Variants in ZDHHC23 observed in about 807,000 individuals in gnomAD.
ZDHHC23 encodes palmitoyltransferase ZDHHC23.
ZDHHC23 carries 41 observed loss-of-function variants against 40.2 expected under a neutral mutation model. The ratio of observed to expected loss-of-function variants is 1.02; its 90% CI spans 0.79 to 1.32. ZDHHC23 has a LOEUF of 1.32. Ranked by LOEUF, ZDHHC23 falls within the 40% of genes most tolerant of loss-of-function variation. ZDHHC23 has a pLI of 0.00. For missense variants in ZDHHC23, 471 were observed against 541.5 expected, an observed-to-expected ratio of 0.87 and a Z score of 1.29; for synonymous variants, 204 against 210.2, an observed-to-expected ratio of 0.97 and a Z score of 0.26.
chr3:113,959,871 G>A lies in ZDHHC23; in HGVS notation c.*1241G>A, dbSNP rs577318230. On this transcript the variant is annotated 3_prime_UTR_variant, in exon 5 of 5. Transcript: ENST00000638807. ...ATTACTGTTCTTCCCTGGCTCTTCCGACAATAACAAGTTGTTTCTTTAATC... is the reference window on the plus strand; with the variant it reads ...ATTACTGTTCTTCCCTGGCTCTTCCAACAATAACAAGTTGTTTCTTTAATC... 2.4e-4 allele frequency: 235 copies of A among 998,052 alleles called. No individual in the cohort carries two copies. The highest frequency in any genetic ancestry group is 2.7e-4 in the Non-Finnish European group (229 of 836,000). 61.8% of individuals were successfully genotyped at this position (998,052 alleles called of 1,614,324 possible).
chr3:113,979,115 G>T, the ZDHHC23 span: 1 of 1,042,214 alleles, frequency 9.6e-7, no homozygotes, highest in Non-Finnish European at 1.4e-6. Flanking sequence ...TAGGCAGTCG[G>T]TAGAGAATAA....
downstream of ZDHHC23, among the ~76,000 whole-genome samples, chr3:113,970,039 A>G (rs1940639063): frequency 6.6e-6 from 1 of 152,104 alleles, no homozygotes; most frequent in African/African-American, 2.4e-5. Flanking sequence ...AGTGTTTTAT[A>G]GTTCTCAGTA....
chr3:113,954,199 ACCAAAGGGTTC>A lies in ZDHHC23; in HGVS notation c.664_674del (p.Lys222TrpfsTer16). ...CCTGAGCAGAAAAGGGCAGGAGAAGACCAAAGGGTTCCCTGGGGCAGACATGTCGGGCAGTC... is the reference window on the plus strand; with the variant it reads ...CCTGAGCAGAAAAGGGCAGGAGAAGACCTGGGGCAGACATGTCGGGCAGTC... On this transcript the variant is annotated frameshift_variant, in exon 3 of 5. Coordinates refer to ENST00000638807, the MANE Select transcript of ZDHHC23 (RefSeq NM_001320466.2). LOFTEE classifies it high-confidence loss of function. 1 of 1,614,204 alleles carries A rather than the reference ACCAAAGGGTTC, an allele frequency of 6.2e-7. No homozygotes were observed. The highest frequency in any genetic ancestry group is 2.2e-5 in the East Asian group (1 of 44,886).
chr3:113,969,685 C>T (rs911791577), downstream of ZDHHC23, among the ~76,000 whole-genome samples: 1 of 152,068 alleles, frequency 6.6e-6, no homozygotes, highest in South Asian at 2.1e-4. Flanking sequence ...TCTGGGTTCT[C>T]TATTCTATTT....
chr3:113,953,925 C>A lies in ZDHHC23; in HGVS notation c.387C>A (p.Tyr129Ter). 6.2e-7 allele frequency: 1 copy of A among 1,614,154 alleles called. No individual in the cohort carries two copies. Among genetic ancestry groups the A allele is most frequent in the Non-Finnish European group, 8.5e-7 (1 of 1,180,034 alleles). ...SLPVLALWYYYLTHRRKEQTL... is the reference protein window; with the variant it reads ...SLPVLALWYY The stretch of plus-strand genomic sequence containing the variant: ...CTGTGCTGGCACTGTGGTACTACTA[C>A]CTCACTCACAGAAGGAAAGAACAGA... The change falls in exon 3 of 5, where the codon TAC becomes TAA. Residue 129 changes from tyrosine (Y) to a stop codon, truncating the protein, a stop_gained. Coordinates refer to ENST00000638807, the MANE Select transcript of ZDHHC23 (RefSeq NM_001320466.2). LOFTEE classifies it high-confidence loss of function.
chr3:113,954,574 C>T (rs892278770), intron 3 of ZDHHC23, among the ~76,000 whole-genome samples, 164 bp downstream of exon 3: 5 of 152,138 alleles, frequency 3.3e-5, no homozygotes, highest in African/African-American at 1.2e-4. Context: ...ATCAGTTTTT[C>T]GAGTTTCACA....
intron 2 of ZDHHC23, 31 bp downstream of exon 2, chr3:113,948,994 C>G (rs781733421): frequency 7.4e-6 from 12 of 1,612,334 alleles, no homozygotes; most frequent in Non-Finnish European, 2.5e-6. Context: ...GACGCTGGCC[C>G]CATCACCCTT....
intron 3 of ZDHHC23, among the ~76,000 whole-genome samples, chr3:113,955,391 T>TGTGTGTGTGTGCGC (rs58421915): frequency 6.7e-6 from 1 of 149,060 alleles, no homozygotes; most frequent in Admixed American, 6.7e-5. Context: ...TGTGTGTGTG[T>TGTGTGTGTGTGCGC]GCGTGTGTGT....
At position 113,959,672 on chromosome 3, in the gene ZDHHC23, C is replaced by T; in HGVS notation, c.*1042C>T. On this transcript the variant is annotated 3_prime_UTR_variant, in exon 5 of 5. Transcript: ENST00000638807. ...ATTTCAAATGCTGTCAGTTATAGCACTAAATTGTGAAAATCAGCCTTCTGG... is the reference window on the plus strand; with the variant it reads ...ATTTCAAATGCTGTCAGTTATAGCATTAAATTGTGAAAATCAGCCTTCTGG... 8.7e-7 allele frequency: 1 copy of T among 1,143,468 alleles called. No homozygotes were observed. 70.8% of individuals were successfully genotyped at this position (1,143,468 alleles called of 1,614,324 possible).
In ZDHHC23 at chr3:113,958,360, T is replaced by A; in HGVS notation, c.1041-3T>A. 3 of 1,605,436 alleles carry A rather than the reference T, an allele frequency of 1.9e-6. No individual in the cohort carries two copies. Among genetic ancestry groups the A allele is most frequent in the Non-Finnish European group, 2.6e-6 (3 of 1,172,950 alleles). On this transcript the variant is annotated splice_polypyrimidine_tract_variant and splice_region_variant and intron_variant, in intron 4 of 4. Coordinates refer to ENST00000638807, the MANE Select transcript of ZDHHC23 (RefSeq NM_001320466.2). ...GCCCTGACAGCCTTTTTCCCTCTCC[T>A]AGCTCGGCTCTGTCCTTCACCTGCG...
chr3:113,969,148 A>C (rs1287818501), downstream of ZDHHC23, among the ~76,000 whole-genome samples: 1 of 152,218 alleles, frequency 6.6e-6, no homozygotes, highest in Non-Finnish European at 1.5e-5. Flanking sequence ...GCATTAAGCC[A>C]TTCATTAAGC....
chr3:113,978,293 A>G, the ZDHHC23 span: 1 of 1,613,990 alleles, frequency 6.2e-7, no homozygotes, highest in Non-Finnish European at 8.5e-7. Flanking sequence ...GAAAATGTAC[A>G]CAAAATTTTC....
Position 113,954,352 on chromosome 3 carries a change from G to T in ZDHHC23, c.814G>T (p.Ala272Ser), listed in dbSNP as rs551221498. The stretch of plus-strand genomic sequence containing the variant: ...GTGCCAGCTGGTGCGACCAGCCCGG[G>T]CATGGCACTGCCGGATATGTGGCAT... ...AKCQLVRPAR[A>S]WHCRICGICV... Residue 272 changes from alanine (A) to serine (S), a missense_variant, in exon 3 of 5, where the codon GCA becomes TCA. Physicochemically the swap from Ala to Ser is moderately conservative, Grantham distance 99. This residue lies in a region of ZDHHC23 where 346 missense variants were observed against 399.8 expected (regional missense o/e 0.87). Transcript: ENST00000638807. 1.2e-6 allele frequency: 2 copies of T among 1,612,762 alleles called. No individual in the cohort carries two copies. Among genetic ancestry groups the T allele is most frequent in the African/African-American group, 2.7e-5 (2 of 74,908 alleles).
chr3:113,961,953 A>C lies in ZDHHC23; in HGVS notation c.*3323A>C, dbSNP rs1939709212. 1 of 152,662 alleles carries C rather than the reference A, an allele frequency of 6.6e-6. No individual in the cohort carries two copies. Among genetic ancestry groups the C allele is most frequent in the South Asian group, 2.1e-4 (1 of 4,836 alleles). 9.5% of individuals were successfully genotyped at this position (152,662 alleles called of 1,614,324 possible). On this transcript the variant is annotated 3_prime_UTR_variant, in exon 5 of 5. Coordinates refer to ENST00000638807, the MANE Select transcript of ZDHHC23 (RefSeq NM_001320466.2). The stretch of plus-strand genomic sequence containing the variant: ...AGCACAGTTTTAGCCAGGATGTTTA[A>C]AAATTACAGTTTTGTGAGACTTAAG...
chr3:113,965,198 G>C (rs1447867832), downstream of ZDHHC23: 3 of 1,610,416 alleles, frequency 1.9e-6, no homozygotes, highest in South Asian at 3.3e-5. Context: ...CCAAGTATCT[G>C]ATTGCTGATA....
chr3:113,953,950 AC>A lies in ZDHHC23; in HGVS notation c.415del (p.Leu139CysfsTer4). 1.2e-6 allele frequency: 2 copies of A among 1,614,008 alleles called. No homozygotes were observed. The highest frequency in any genetic ancestry group is 1.7e-6 in the Non-Finnish European group (2 of 1,180,012). ...CCTCACTCACAGAAGGAAAGAACAGACCCTGTTTTTCCTGAGCCTTGGACTG... is the reference window on the plus strand; with the variant it reads ...CCTCACTCACAGAAGGAAAGAACAGACCTGTTTTTCCTGAGCCTTGGACTG... ...YYLTHRRKEQ[T>X]LFFLSLGLFS... On this transcript the variant is annotated frameshift_variant, in exon 3 of 5. Coordinates refer to ENST00000638807, the MANE Select transcript of ZDHHC23 (RefSeq NM_001320466.2). LOFTEE classifies it high-confidence loss of function.
In ZDHHC23 at chr3:113,961,524, A is replaced by G. The variant is rs1223310139; in HGVS notation, c.*2894A>G. The stretch of plus-strand genomic sequence containing the variant: ...ACTGACCATTAACAGCGCCTCTTTG[A>G]TAGGTTACCCTGATGCTGCTAAAGT... On this transcript the variant is annotated 3_prime_UTR_variant, in exon 5 of 5. Coordinates refer to ENST00000638807, the MANE Select transcript of ZDHHC23 (RefSeq NM_001320466.2). 2.0e-5 allele frequency: 3 copies of G among 152,616 alleles called. 1 individual carries two copies. The East Asian group carries it at 5.8e-4, about 29-fold the overall frequency. The allele number at this position is 152,616 out of a possible 1,614,324, so 9.5% of individuals were successfully genotyped here. A position where few individuals can be genotyped will look rare whatever the true frequency, so the allele number is the denominator to read the frequency against.
the ZDHHC23 span, among the ~76,000 whole-genome samples, chr3:113,970,790 T>TC: frequency 5.9e-5 from 9 of 152,130 alleles, no homozygotes; most frequent in African/African-American, 2.2e-4. Context: ...ATTGTCCAAT[T>TC]CCCACCTATG....
downstream of ZDHHC23, among the ~76,000 whole-genome samples, chr3:113,967,141 T>C (rs932836429): frequency 3.3e-5 from 5 of 152,090 alleles, no homozygotes; most frequent in Non-Finnish European, 5.9e-5. Context: ...CTCCAAGGAA[T>C]GGATTTACTT....
Sources: gnomAD v4.1 joint callset for allele counts (sites outside exome capture counted in the v4.1 genomes callset) on GRCh38, gnomAD v4.1.1 for gene constraint, gnomAD v4.1.1 regional missense constraint, MANE v1.5 for transcripts, NCBI Gene and HGNC (gene_info 2026-07-23, HGNC 2026-07-21) for gene names.